The following UHRF1 variants were observed in gnomAD, a reference collection of about 807,000 sequenced individuals.
UHRF1 encodes ubiquitin like with PHD and ring finger domains 1.
UHRF1 carries 9 observed loss-of-function variants against 96.5 expected under a neutral mutation model. The observed-to-expected ratio is 0.09, with a 90% confidence interval of 0.06 to 0.16. The LOEUF is 0.16. Ranked by LOEUF, UHRF1 falls within the 10% of genes least tolerant of loss-of-function variation. The pLI is 1.00. For synonymous variants in UHRF1, 455 were observed against 469.9 expected (o/e 0.97, Z 0.41); for missense variants, 626 against 1,131.1 (o/e 0.55, Z 6.40).
rs753131539 is a variant in UHRF1, at chr19:4,932,864, C to T, written c.693C>T (p.Asn231=). ...QVVMLNYNPD[N]PKERGFWYDA... is the part of the protein sequence containing the mutation. ...TCATGCTCAACTACAACCCCGACAACCCCAAGGAGCGGGGCTTCTGGTACG... is the reference window on the plus strand; with the variant it reads ...TCATGCTCAACTACAACCCCGACAATCCCAAGGAGCGGGGCTTCTGGTACG... The change falls in exon 5 of 17, where the codon AAC becomes AAT. Residue 231 remains asparagine, a synonymous_variant. Transcript: ENST00000650932. The T allele has an allele frequency of 3.1e-6, 5 of 1,613,750 alleles. No homozygotes were observed. In the African/African-American group the frequency reaches 6.7e-5, roughly 22 times the overall value.
chr19:4,928,758 C>T (rs2032951435), intron 2 of UHRF1, among the ~76,000 whole-genome samples: 1 of 152,202 alleles, frequency 6.6e-6, no homozygotes, highest in Admixed American at 6.5e-5. Context: ...CCTCCACCCA[C>T]TCCATGCTAG....
At chr19:4,939,242 A>G (rs969124578) in intron 5 of UHRF1, among the ~76,000 whole-genome samples, 3 of 101,230 alleles carry the variant, frequency 3.0e-5, no homozygotes, top group Non-Finnish European at 6.3e-5. Context: ...TTTTTTTTTA[A>G]TTTTCGGTAG....
At chr19:4,934,137 C>A (rs2033147668) in intron 5 of UHRF1, among the ~76,000 whole-genome samples, 1 of 151,776 alleles carries the variant, frequency 6.6e-6, no homozygotes, top group South Asian at 2.1e-4. Flanking sequence ...GATTCTCCTG[C>A]CTCAGCCTCC....
chr19:4,913,564 G>A (rs1265680205), intron 2 of UHRF1, among the ~76,000 whole-genome samples: 1 of 151,938 alleles, frequency 6.6e-6, no homozygotes, highest in Admixed American at 6.6e-5. Flanking sequence ...CACGTACATT[G>A]TGCTTTTAAT....
chr19:4,945,270 T>A (rs1216035003), intron 9 of UHRF1, among the ~76,000 whole-genome samples: 1 of 152,088 alleles, frequency 6.6e-6, no homozygotes, highest in Non-Finnish European at 1.5e-5. Flanking sequence ...CCACTTTTAT[T>A]TTTTTTGAGA....
chr19:4,955,115 C>T (rs1039872055), intron 15 of UHRF1, among the ~76,000 whole-genome samples: 1 of 152,118 alleles, frequency 6.6e-6, no homozygotes, highest in Non-Finnish European at 1.5e-5. Flanking sequence ...TCCGGCACCC[C>T]CTGCCATCCT....
At chr19:4,923,641 A>G (rs1422573612) in intron 2 of UHRF1, among the ~76,000 whole-genome samples, 1 of 152,122 alleles carries the variant, frequency 6.6e-6, no homozygotes, top group Non-Finnish European at 1.5e-5. Flanking sequence ...TGGCCTTCGG[A>G]CACATGTGAG....
chr19:4,915,205 C>T (rs149038088), intron 2 of UHRF1, among the ~76,000 whole-genome samples: 7 of 152,350 alleles, frequency 4.6e-5, no homozygotes, highest in African/African-American at 1.2e-4. Context: ...CCCCACTGGA[C>T]GGCCCCCTTG....
At chr19:4,947,737 G>T (rs1260332962) in intron 11 of UHRF1, among the ~76,000 whole-genome samples, 1 of 150,504 alleles carries the variant, frequency 6.6e-6, no homozygotes, top group Non-Finnish European at 1.5e-5. Context: ...CTGACCTCAG[G>T]TGATCTTCCC....
intron 2 of UHRF1, among the ~76,000 whole-genome samples, chr19:4,919,030 T>C (rs72986139): frequency 5.5e-5 from 8 of 144,250 alleles, no homozygotes; most frequent in Non-Finnish European, 1.1e-4. Flanking sequence ...CCTCATTTTT[T>C]TTTTTTTTTT....
chr19:4,909,283 C>T, upstream of UHRF1: 1 of 532,764 alleles, frequency 1.9e-6, no homozygotes, highest in Non-Finnish European at 3.3e-6. Flanking sequence ...TGCCACGCAG[C>T]CCCTTTGCAC....
At chr19:4,928,142 T>C (rs2032931436) in intron 2 of UHRF1, among the ~76,000 whole-genome samples, 1 of 151,932 alleles carries the variant, frequency 6.6e-6, no homozygotes, top group African/African-American at 2.4e-5. Flanking sequence ...TGGGGACATT[T>C]GTGGTCGTCA....
intron 5 of UHRF1, among the ~76,000 whole-genome samples, chr19:4,935,813 G>A (rs533059356): frequency 5.3e-5 from 8 of 152,222 alleles, no homozygotes; most frequent in Non-Finnish European, 8.8e-5. Context: ...CTACAAATGC[G>A]TGGTTGCCAG....
At chr19:4,960,239 C>T (rs1242770822) in intron 16 of UHRF1, among the ~76,000 whole-genome samples, 1 of 152,194 alleles carries the variant, frequency 6.6e-6, no homozygotes, top group Non-Finnish European at 1.5e-5. Flanking sequence ...GGAGCATCTG[C>T]CCTGTTGTAG....
intron 1 of UHRF1, 119 bp downstream of exon 1, chr19:4,909,774 G>C (rs1223325308): frequency 2.1e-6 from 1 of 466,526 alleles, no homozygotes; most frequent in East Asian, 3.6e-5. Flanking sequence ...CTCTGTCCCG[G>C]GATCCAGGGC....
chr19:4,904,986 T>G (rs1006997585), upstream of UHRF1, among the ~76,000 whole-genome samples: 3 of 152,152 alleles, frequency 2.0e-5, no homozygotes, highest in African/African-American at 7.2e-5. Flanking sequence ...TGCATTATTT[T>G]ATGTGATAGC....
Position 4,918,731 on chromosome 19 carries a change from TTTTTTTTTA to T in UHRF1, c.153+7694_153+7702del, listed in dbSNP as rs1243568843. ...GCCCAGCTGGTTTTTTTTTTTTTTTTTTTTTTTTAGACAGGCTCTTGCTCTGTTGCCCAG... is the reference window on the plus strand; with the variant it reads ...GCCCAGCTGGTTTTTTTTTTTTTTTTGACAGGCTCTTGCTCTGTTGCCCAG... On this transcript the variant is annotated intron_variant, in intron 2 of 16. Transcript: ENST00000650932. Among the ~76,000 whole-genome samples the T allele has an allele frequency of 2.0e-5, 3 of 148,880 alleles. No individual in the cohort carries two copies. In the East Asian group the frequency reaches 5.9e-4, roughly 29 times the overall value.
intron 2 of UHRF1, among the ~76,000 whole-genome samples, chr19:4,927,921 C>T (rs1297697113): frequency 2.6e-5 from 4 of 152,188 alleles, no homozygotes; most frequent in East Asian, 1.9e-4. Flanking sequence ...ACGGGGCAGA[C>T]GTGGAAACCA....
Position 4,954,614 on chromosome 19 carries a change from A to C in UHRF1, c.1958-36A>C, listed in dbSNP as rs2033804731. ...GGCTGTCTCTCCGGCAGCTCGGGCC[A>C]CGCGCCCCTCCCTCACGCGCCCCAC... is the stretch of plus-strand genomic sequence containing the variant. On this transcript the variant is annotated intron_variant, in intron 14 of 16. Transcript: ENST00000650932. This position sits in a 1 kb window ranked among gnomAD's most constrained non-coding sequence, Gnocchi z 5.9. 1.9e-6 allele frequency: 3 copies of C among 1,605,562 alleles called. No homozygotes were observed. The highest frequency in any genetic ancestry group is 2.6e-6 in the Non-Finnish European group (3 of 1,175,668).
Sources: allele counts gnomAD v4.1 joint callset (sites outside exome capture counted in the v4.1 genomes callset), GRCh38; gene constraint gnomAD v4.1.1; non-coding constraint Gnocchi (gnomAD v3.1); transcripts MANE v1.5; gene names NCBI Gene and HGNC (gene_info 2026-07-23, HGNC 2026-07-21).